The following SPPL3 variants were observed in gnomAD, a reference collection of about 807,000 sequenced individuals.
SPPL3 encodes signal peptide peptidase like 3, also known as signal peptide peptidase-like 3.
Under a neutral mutation model 42.4 loss-of-function variants are expected in SPPL3, and 5 were observed. The ratio of observed to expected loss-of-function variants is 0.12; its 90% confidence interval spans 0.06 to 0.25. The LOEUF (loss-of-function observed/expected upper bound fraction) is 0.25. Among genes scored for constraint, SPPL3 ranks in the 10% least tolerant of loss-of-function variants. The pLI, the probability that SPPL3 is intolerant of heterozygous loss-of-function variation, is 1.00. For missense variants in SPPL3, 235 were observed against 489.0 expected (o/e 0.48, Z 4.90); for synonymous variants, 195 against 181.8 (o/e 1.07, Z -0.58).
intron 6 of SPPL3, among the ~76,000 whole-genome samples, chr12:120,777,031 T>C (rs1869344538): frequency 6.6e-6 from 1 of 152,178 alleles, no homozygotes; most frequent in African/African-American, 2.4e-5. Context: ...TTTAAGTGTA[T>C]CATTATGGGG....
chr12:120,887,050 T>C (rs1168953), intron 1 of SPPL3, among the ~76,000 whole-genome samples: 73,140 of 151,364 alleles, frequency 0.48, 17,857 homozygotes, highest in East Asian at 0.56. Context: ...CTCGGCTCAC[T>C]GCAACCTCTG....
chr12:120,900,877 G>A (rs567086827), intron 1 of SPPL3, among the ~76,000 whole-genome samples: 9 of 150,438 alleles, frequency 6.0e-5, no homozygotes, highest in Non-Finnish European at 1.2e-4. Flanking sequence ...AGCTTAGATC[G>A]GGCCACTGCA....
intron 6 of SPPL3, among the ~76,000 whole-genome samples, chr12:120,773,504 T>C (rs1869198443): frequency 6.6e-6 from 1 of 152,012 alleles, no homozygotes; most frequent in South Asian, 2.1e-4. Context: ...GAGGACTGAA[T>C]GATGCAGCTC....
At chr12:120,861,200 A>G (rs1000477370) in intron 1 of SPPL3, among the ~76,000 whole-genome samples, 1 of 152,164 alleles carries the variant, frequency 6.6e-6, no homozygotes, top group African/African-American at 2.4e-5. Flanking sequence ...TCTCAAATCA[A>G]CTCTGCCATT....
chr12:120,893,568 C>T (rs150479045), intron 1 of SPPL3, among the ~76,000 whole-genome samples: 79 of 152,212 alleles, frequency 5.2e-4, no homozygotes, highest in African/African-American at 1.7e-3. Context: ...TTATGACCTA[C>T]CCCTGATTGG....
rs991613524 is a variant in SPPL3, at chr12:120,855,008, G to C, written c.24-44122C>G. On this transcript the variant is annotated intron_variant, in intron 1 of 10. Transcript: ENST00000353487. ...GACCCTCCACAAGGGGCAGGGAAGG[G>C]ACAGGGAAGGAAGAAGCATGCAGGG... is the stretch of plus-strand genomic sequence containing the variant. Among the ~76,000 whole-genome samples, 7 of 152,282 alleles carry C rather than the reference G, an allele frequency of 4.6e-5. No homozygotes were observed. The East Asian group carries it at 1.4e-3, about 29-fold the overall frequency.
intron 2 of SPPL3, among the ~76,000 whole-genome samples, chr12:120,808,228 C>T (rs1291961419): frequency 6.6e-6 from 1 of 151,830 alleles, no homozygotes; most frequent in Admixed American, 6.6e-5. Context: ...CCAGGTAGCG[C>T]CGCCATGCCC....
At chr12:120,899,888 C>CAAAAAAAAA (rs34814522) in intron 1 of SPPL3, among the ~76,000 whole-genome samples, 1 of 71,696 alleles carries the variant, frequency 1.4e-5, no homozygotes, top group African/African-American at 6.3e-5. Flanking sequence ...GACCCTGTCT[C>CAAAAAAAAA]AAAAAAAAAA....
chr12:120,871,130 C>CAAAAAAAAA lies in SPPL3; in HGVS notation c.23+32706_23+32714dup, dbSNP rs71453512. Among the ~76,000 whole-genome samples, 503 of 51,560 alleles carry CAAAAAAAAA rather than the reference C, an allele frequency of 9.8e-3. 53 individuals carry two copies. Among genetic ancestry groups the CAAAAAAAAA allele is most frequent in the East Asian group, 0.025 (25 of 994 alleles). 33.8% of individuals were successfully genotyped at this position (51,560 alleles called of 152,430 possible). On this transcript the variant is annotated intron_variant, in intron 1 of 10. Coordinates refer to ENST00000353487, the MANE Select transcript of SPPL3 (RefSeq NM_139015.5). ...GGGCGACAGAGTGAGACTCCGTCTC[C>CAAAAAAAAA]AAAAAAAAAAAAAAAAAAAGAAAAA...
chr12:120,768,293 CAG>C, intron 8 of SPPL3, 30 bp downstream of exon 8: 1 of 1,590,178 alleles, frequency 6.3e-7, no homozygotes, highest in Non-Finnish European at 8.6e-7. Flanking sequence ...CACAGGAAGA[CAG>C]TGTGGTCCTG....
chr12:120,779,820 CAAAAAAAAAAAAA>C (rs1164272443), intron 6 of SPPL3, among the ~76,000 whole-genome samples: 1,658 of 42,836 alleles, frequency 0.039, 58 homozygotes, highest in African/African-American at 0.14. Context: ...ACTAAAAATA[CAAAAAAAAAAAAA>C]AAAAAAAAAA....
At chr12:120,836,388 C>T (rs138489840) in intron 1 of SPPL3, among the ~76,000 whole-genome samples, 2 of 152,218 alleles carry the variant, frequency 1.3e-5, no homozygotes, top group African/African-American at 4.8e-5. Flanking sequence ...GAGAAAGAAG[C>T]CTAGCAGAAG....
chr12:120,840,935 ATTT>A (rs1566057535), intron 1 of SPPL3, among the ~76,000 whole-genome samples: 1 of 105,340 alleles, frequency 9.5e-6, no homozygotes, highest in Non-Finnish European at 2.0e-5. Context: ...GTGAGACTCC[ATTT>A]CATTCATTCA....
chr12:120,767,063 T>G (rs935413915), intron 9 of SPPL3, among the ~76,000 whole-genome samples: 1 of 152,234 alleles, frequency 6.6e-6, no homozygotes, highest in Non-Finnish European at 1.5e-5. Context: ...TAAGTATCTA[T>G]TGAATAAAGT....
At chr12:120,771,345 G>A (rs745930558) in intron 6 of SPPL3, among the ~76,000 whole-genome samples, 2 of 152,082 alleles carry the variant, frequency 1.3e-5, no homozygotes, top group African/African-American at 4.8e-5. Context: ...CTTCGGCCAC[G>A]CCGCCGCTTC....
chr12:120,815,017 T>C (rs1287600836), intron 1 of SPPL3, among the ~76,000 whole-genome samples: 1 of 152,218 alleles, frequency 6.6e-6, no homozygotes, highest in African/African-American at 2.4e-5. Flanking sequence ...AACAAGTTCC[T>C]TACAGGTGGA....
intron 1 of SPPL3, among the ~76,000 whole-genome samples, chr12:120,851,737 G>C (rs1872231730): frequency 6.6e-6 from 1 of 152,064 alleles, no homozygotes; most frequent in Admixed American, 6.6e-5. Flanking sequence ...CTGAGTAGCT[G>C]GGACTACAGG....
At chr12:120,872,122 GTTGTT>G (rs1462543096) in intron 1 of SPPL3, among the ~76,000 whole-genome samples, 3 of 152,278 alleles carry the variant, frequency 2.0e-5, no homozygotes, top group African/African-American at 7.2e-5. Flanking sequence ...AAGAATGTGT[GTTGTT>G]TTATCATTGT....
chr12:120,871,564 C>T (rs774449717), intron 1 of SPPL3, among the ~76,000 whole-genome samples: 8 of 152,044 alleles, frequency 5.3e-5, no homozygotes, highest in Non-Finnish European at 1.0e-4. Flanking sequence ...ACCAGCCCGG[C>T]CAACGTGGTG....
Sources: gnomAD v4.1 joint callset for allele counts (sites outside exome capture counted in the v4.1 genomes callset) on GRCh38, gnomAD v4.1.1 for gene constraint, MANE v1.5 for transcripts, NCBI Gene and HGNC (gene_info 2026-07-23, HGNC 2026-07-21) for gene names.